Variants in CAMKMT observed in about 807,000 individuals in gnomAD.
CAMKMT encodes calmodulin-lysine N-methyltransferase.
Under a neutral mutation model 48.0 loss-of-function variants are expected in CAMKMT, and 53 were observed. That is an observed-to-expected ratio of 1.10 (90% confidence interval 0.89 to 1.39). The LOEUF (loss-of-function observed/expected upper bound fraction) is 1.39. Among genes scored for constraint, CAMKMT ranks in the 40% most tolerant of loss-of-function variants. The probability of loss-of-function intolerance (pLI) is 0.00; values close to 1 mark genes in which losing one functional copy is unlikely to be tolerated. For missense variants in CAMKMT, 428 were observed against 402.7 expected (o/e 1.06, Z -0.54); for synonymous variants, 165 against 152.3 (o/e 1.08, Z -0.61).
chr2:44,674,899 A>T (rs769032044), intron 3 of CAMKMT, among the ~76,000 whole-genome samples: 1 of 151,744 alleles, frequency 6.6e-6, no homozygotes, highest in Admixed American at 6.6e-5. Context: ...AAAAAAACAC[A>T]CAAACTATCA....
intron 3 of CAMKMT, among the ~76,000 whole-genome samples, chr2:44,679,547 G>T (rs1285791624): frequency 6.6e-6 from 1 of 152,218 alleles, no homozygotes; most frequent in Non-Finnish European, 1.5e-5. Flanking sequence ...TGCCATTAAT[G>T]TTATACCCTT....
At chr2:44,580,189 A>G (rs1205531191) in intron 3 of CAMKMT, among the ~76,000 whole-genome samples, 2 of 152,072 alleles carry the variant, frequency 1.3e-5, no homozygotes, top group African/African-American at 4.8e-5. Flanking sequence ...AAAACCAGTA[A>G]TGACTAGTTC....
At chr2:44,437,977 T>G (rs1390571935) in intron 3 of CAMKMT, among the ~76,000 whole-genome samples, 1 of 152,090 alleles carries the variant, frequency 6.6e-6, no homozygotes, top group East Asian at 1.9e-4. Flanking sequence ...CCTCTACTGG[T>G]TTTTTAATAA....
intron 5 of CAMKMT, among the ~76,000 whole-genome samples, chr2:44,707,023 A>C (rs1008727403): frequency 6.6e-6 from 1 of 151,978 alleles, no homozygotes; most frequent in Admixed American, 6.6e-5. Flanking sequence ...CCTGCAATGC[A>C]AAGTTATATG....
chr2:44,697,747 C>T (rs1448980193), intron 3 of CAMKMT, among the ~76,000 whole-genome samples: 3 of 151,722 alleles, frequency 2.0e-5, no homozygotes, highest in Non-Finnish European at 4.4e-5. Context: ...ATAAGGGGCA[C>T]ACATATGTGA....
chr2:44,728,468 T>A (rs1678908757), intron 7 of CAMKMT, among the ~76,000 whole-genome samples: 1 of 152,178 alleles, frequency 6.6e-6, no homozygotes, highest in Non-Finnish European at 1.5e-5. Context: ...CCTCCTCAAT[T>A]TTTTGGAATA....
chr2:44,686,203 C>G (rs1676325252), intron 3 of CAMKMT, among the ~76,000 whole-genome samples: 1 of 151,890 alleles, frequency 6.6e-6, no homozygotes, highest in Non-Finnish European at 1.5e-5. Flanking sequence ...ACCATCCTGG[C>G]TAACACGATG....
chr2:44,647,626 C>T (rs1482244282), intron 3 of CAMKMT, among the ~76,000 whole-genome samples: 1 of 152,010 alleles, frequency 6.6e-6, no homozygotes, highest in Admixed American at 6.6e-5. Flanking sequence ...AAACTATGGG[C>T]CGGGCACAGT....
chr2:44,509,893 G>T (rs766885160), intron 3 of CAMKMT, among the ~76,000 whole-genome samples: 1 of 152,190 alleles, frequency 6.6e-6, no homozygotes, highest in South Asian at 2.1e-4. Flanking sequence ...AGTTGTGGCT[G>T]CCCAATCTTG....
intron 3 of CAMKMT, among the ~76,000 whole-genome samples, chr2:44,699,689 C>G (rs946787973): frequency 6.6e-6 from 1 of 152,086 alleles, no homozygotes; most frequent in Admixed American, 6.5e-5. Context: ...CCACTACAGC[C>G]TCCAGCTCCT....
chr2:44,713,925 T>G (rs966921688), intron 6 of CAMKMT, among the ~76,000 whole-genome samples: 2 of 152,168 alleles, frequency 1.3e-5, no homozygotes, highest in African/African-American at 2.4e-5. Context: ...CTTGTCTGCT[T>G]GGTGTCCTCC....
intron 3 of CAMKMT, among the ~76,000 whole-genome samples, chr2:44,446,472 A>G (rs1314180122): frequency 6.6e-6 from 1 of 151,952 alleles, no homozygotes; most frequent in African/African-American, 2.4e-5. Context: ...TCAGTCACCG[A>G]GTAGCTTGGA....
At chr2:44,525,588 A>G (rs1453824566) in intron 3 of CAMKMT, among the ~76,000 whole-genome samples, 2 of 152,152 alleles carry the variant, frequency 1.3e-5, no homozygotes, top group Non-Finnish European at 2.9e-5. Context: ...ATTACTATAC[A>G]TTTTCACAGA....
At chr2:44,565,141 A>AC (rs200127062) in intron 3 of CAMKMT, among the ~76,000 whole-genome samples, 1,679 of 152,020 alleles carry the variant, frequency 0.011, 33 homozygotes, top group African/African-American at 0.036. Flanking sequence ...GGCCAAAGGG[A>AC]CCCCCCAAGT....
chr2:44,646,275 G>C (rs1673724664), intron 3 of CAMKMT, among the ~76,000 whole-genome samples: 1 of 151,804 alleles, frequency 6.6e-6, no homozygotes, highest in Non-Finnish European at 1.5e-5. Context: ...CTTCAACTCA[G>C]ATTGGCTGTT....
intron 3 of CAMKMT, among the ~76,000 whole-genome samples, chr2:44,476,414 G>T (rs964049057): frequency 1.8e-4 from 28 of 152,062 alleles, no homozygotes; most frequent in South Asian, 1.0e-3. Context: ...TAGTGACTTT[G>T]TAGCATCAAC....
At chr2:44,727,103 CT>C (rs372154912) in intron 7 of CAMKMT, among the ~76,000 whole-genome samples, 26,671 of 151,998 alleles carry the variant, frequency 0.18, 2,462 homozygotes, top group South Asian at 0.22. Flanking sequence ...TATTTGGACT[CT>C]TTTTTTGGTT....
chr2:44,546,919 C>A (rs567848104), intron 3 of CAMKMT, among the ~76,000 whole-genome samples: 1 of 152,146 alleles, frequency 6.6e-6, no homozygotes, highest in African/African-American at 2.4e-5. Context: ...GTGTTGGTTT[C>A]ATTTCTCTCT....
intron 3 of CAMKMT, among the ~76,000 whole-genome samples, chr2:44,680,517 C>T (rs995659103): frequency 3.3e-5 from 5 of 152,172 alleles, no homozygotes; most frequent in Admixed American, 6.5e-5. Context: ...TGCCGGCCAG[C>T]TCAGCCTGGG....
Sources: allele counts gnomAD v4.1 joint callset (sites outside exome capture counted in the v4.1 genomes callset), GRCh38; gene constraint gnomAD v4.1.1; transcripts MANE v1.5; gene names NCBI Gene and HGNC (gene_info 2026-07-23, HGNC 2026-07-21).